The following FSTL4 variants were observed in gnomAD, a reference collection of about 807,000 sequenced individuals.
FSTL4 encodes follistatin like 4, also known as follistatin-related protein 4.
Under a neutral mutation model 78.2 loss-of-function variants are expected in FSTL4, and 28 were observed. That is an observed-to-expected ratio of 0.36 (90% CI 0.27 to 0.49). FSTL4 has a LOEUF of 0.49. FSTL4 is among the 20% of genes least tolerant of loss of function. The probability of loss-of-function intolerance (pLI) is 0.98; values close to 1 mark genes in which losing one functional copy is unlikely to be tolerated. For synonymous variants in FSTL4, 422 were observed against 440.5 expected (o/e 0.96, Z 0.53); for missense variants, 922 against 1,084.9 (o/e 0.85, Z 2.11).
At chr5:133,777,538 C>A in the FSTL4 span, among the ~76,000 whole-genome samples, 4 of 152,210 alleles carry the variant, frequency 2.6e-5, no homozygotes, top group Admixed American at 1.3e-4. Context: ...GAGAATGCCA[C>A]TTCTAATCCC....
chr5:133,665,649 G>C, the FSTL4 span, among the ~76,000 whole-genome samples: 1 of 151,114 alleles, frequency 6.6e-6, no homozygotes, highest in Non-Finnish European at 1.5e-5. Flanking sequence ...CTTCACTTCT[G>C]TGCCTGGAGA....
intron 2 of FSTL4, among the ~76,000 whole-genome samples, chr5:133,572,389 C>T (rs1462262821): frequency 6.6e-6 from 1 of 151,616 alleles, no homozygotes; most frequent in Non-Finnish European, 1.5e-5. Context: ...TAGTACCCAC[C>T]ATCTTTAAAA....
the FSTL4 span, among the ~76,000 whole-genome samples, chr5:133,834,334 C>A: frequency 4.0e-5 from 6 of 151,756 alleles, no homozygotes; most frequent in Non-Finnish European, 8.8e-5. Context: ...TGGATAAGCA[C>A]AAGACAGGTA....
At chr5:133,556,903 C>T (rs1436633652) in intron 3 of FSTL4, among the ~76,000 whole-genome samples, 1 of 152,232 alleles carries the variant, frequency 6.6e-6, no homozygotes, top group African/African-American at 2.4e-5. Context: ...TGCTCATTCA[C>T]TTTTCTCTCT....
the FSTL4 span, among the ~76,000 whole-genome samples, chr5:133,735,184 G>T: frequency 6.6e-6 from 1 of 152,206 alleles, no homozygotes; most frequent in African/African-American, 2.4e-5. Flanking sequence ...AAAAAGGCCG[G>T]CCGAGCACAG....
rs145691525 is a variant in FSTL4 at position 133,204,179 on chromosome 5, T to C, written c.1717-2137A>G. ...AGAACATGGTATCCAGAGGACAGGC[T>C]GGGAGGCAGCTAAAAGCTGGCCTGA... On this transcript the variant is annotated intron_variant, in intron 14 of 15. Coordinates refer to ENST00000265342, the MANE Select transcript of FSTL4 (RefSeq NM_015082.2). Among the ~76,000 whole-genome samples the C allele has an allele frequency of 3.0e-3, 461 of 152,204 alleles. 4 individuals are homozygous for C. The highest frequency in any genetic ancestry group is 0.011 in the African/African-American group (441 of 41,524).
the FSTL4 span, among the ~76,000 whole-genome samples, chr5:133,823,473 C>CA: frequency 2.0e-5 from 3 of 152,142 alleles, no homozygotes; most frequent in Non-Finnish European, 4.4e-5. Context: ...GTCTGAAAGT[C>CA]AGTCTTAGGG....
the FSTL4 span, among the ~76,000 whole-genome samples, chr5:133,699,610 G>A: frequency 5.3e-4 from 81 of 152,234 alleles, no homozygotes; most frequent in African/African-American, 1.8e-3. Context: ...GGCCGGGCGC[G>A]GTGGCTCACG....
the FSTL4 span, among the ~76,000 whole-genome samples, chr5:133,774,550 T>G: frequency 6.6e-6 from 1 of 152,196 alleles, no homozygotes; most frequent in Non-Finnish European, 1.5e-5. Flanking sequence ...TCTAAGACAC[T>G]GATACATGGG....
intron 3 of FSTL4, among the ~76,000 whole-genome samples, chr5:133,497,046 A>C (rs1758380433): frequency 1.3e-5 from 2 of 152,114 alleles, no homozygotes; most frequent in Non-Finnish European, 2.9e-5. Context: ...CTGTTCCTTC[A>C]TGGGTGCCGT....
chr5:133,316,969 C>G (rs185221223), intron 4 of FSTL4, among the ~76,000 whole-genome samples: 1 of 152,140 alleles, frequency 6.6e-6, no homozygotes, highest in Non-Finnish European at 1.5e-5. Flanking sequence ...ATTCTTCCAG[C>G]GGAATATATA....
intron 3 of FSTL4, among the ~76,000 whole-genome samples, chr5:133,430,669 T>C (rs914060780): frequency 1.3e-5 from 2 of 152,156 alleles, no homozygotes; most frequent in Non-Finnish European, 2.9e-5. Context: ...AAATAACAGA[T>C]TGGCTTGCTC....
intron 3 of FSTL4, among the ~76,000 whole-genome samples, chr5:133,545,240 C>G (rs1433108001): frequency 6.6e-6 from 1 of 152,136 alleles, no homozygotes; most frequent in Non-Finnish European, 1.5e-5. Context: ...AGCGTGAGAT[C>G]TGGTCCCTGG....
chr5:133,397,484 A>G (rs1756088270), intron 4 of FSTL4, among the ~76,000 whole-genome samples: 1 of 152,174 alleles, frequency 6.6e-6, no homozygotes, highest in South Asian at 2.1e-4. Context: ...TCCCTAAATG[A>G]TATATTTCAT....
chr5:133,647,090 G>A, the FSTL4 span, among the ~76,000 whole-genome samples: 1 of 152,132 alleles, frequency 6.6e-6, no homozygotes, highest in Non-Finnish European at 1.5e-5. Context: ...TGCATGAAGA[G>A]CGGCCCAATG....
At chr5:133,279,412 C>T (rs964944577) in intron 6 of FSTL4, among the ~76,000 whole-genome samples, 2 of 152,368 alleles carry the variant, frequency 1.3e-5, no homozygotes. Context: ...CCCCCACTCC[C>T]AGTCTGTGGA....
intron 4 of FSTL4, among the ~76,000 whole-genome samples, chr5:133,357,839 C>T (rs1156358955): frequency 6.6e-6 from 1 of 152,166 alleles, no homozygotes; most frequent in Non-Finnish European, 1.5e-5. Flanking sequence ...TGTGCTAGGG[C>T]CACAAAACAC....
the FSTL4 span, among the ~76,000 whole-genome samples, chr5:133,661,356 G>A: frequency 6.6e-6 from 1 of 152,286 alleles, no homozygotes; most frequent in South Asian, 2.1e-4. Flanking sequence ...GCTCTGAACT[G>A]CAGGCTCCTG....
intron 3 of FSTL4, among the ~76,000 whole-genome samples, chr5:133,482,428 C>A (rs1758046965): frequency 6.6e-6 from 1 of 152,180 alleles, no homozygotes; most frequent in Non-Finnish European, 1.5e-5. Context: ...TAGGGGCTGC[C>A]CAGAGGTTAG....
Sources: gnomAD v4.1 joint callset for allele counts (sites outside exome capture counted in the v4.1 genomes callset) on GRCh38, gnomAD v4.1.1 for gene constraint, MANE v1.5 for transcripts, NCBI Gene and HGNC (gene_info 2026-07-23, HGNC 2026-07-21) for gene names.